The following FANCC variants were observed in gnomAD, a reference collection of about 807,000 sequenced individuals.
FANCC encodes FA complementation group C.
In FANCC, 55 loss-of-function variants were observed where a neutral mutation model predicts 71.3. The ratio of observed to expected loss-of-function variants is 0.77; its 90% CI spans 0.62 to 0.97. FANCC has a LOEUF of 0.97. FANCC is among the 50% of genes least tolerant of loss of function. The pLI is 0.00. For missense variants in FANCC, 678 were observed against 670.9 expected (o/e 1.01, Z -0.12); for synonymous variants, 275 against 244.9 (o/e 1.12, Z -1.15).
intron 4 of FANCC, among the ~76,000 whole-genome samples, chr9:95,227,769 CCTT>C (rs1272900718): frequency 1.3e-5 from 2 of 152,222 alleles, no homozygotes; most frequent in African/African-American, 4.8e-5. Context: ...CCCAGCTAAA[CCTT>C]CTTGAGTACC....
chr9:95,107,580 G>T (rs2071552087), intron 13 of FANCC: 1 of 473,394 alleles, frequency 2.1e-6, no homozygotes, highest in Non-Finnish European at 3.9e-6. Context: ...TTATATTGTG[G>T]GAAAAAGAAC....
At chr9:95,290,278 G>C (rs1833927679) in intron 1 of FANCC, among the ~76,000 whole-genome samples, 1 of 152,108 alleles carries the variant, frequency 6.6e-6, no homozygotes, top group Non-Finnish European at 1.5e-5. Flanking sequence ...TTCTGTCTGG[G>C]ATCATATATG....
At chr9:95,119,780 C>T (rs1427693282) in intron 10 of FANCC, among the ~76,000 whole-genome samples, 1 of 152,090 alleles carries the variant, frequency 6.6e-6, no homozygotes, top group Non-Finnish European at 1.5e-5. Context: ...GGCATGATCA[C>T]AGCTCACTGA....
intron 4 of FANCC, among the ~76,000 whole-genome samples, chr9:95,208,412 A>C (rs573974645): frequency 2.6e-5 from 4 of 152,046 alleles, no homozygotes; most frequent in Non-Finnish European, 5.9e-5. Flanking sequence ...AAACCTTTTA[A>C]CAGAAAAGTC....
chr9:95,258,449 T>C (rs547639683), intron 1 of FANCC, among the ~76,000 whole-genome samples: 299 of 152,296 alleles, frequency 2.0e-3, no homozygotes, highest in Non-Finnish European at 3.2e-3. Flanking sequence ...CACATGATTA[T>C]CTCAATAGAT....
chr9:95,276,230 T>C (rs1833032961), intron 1 of FANCC, among the ~76,000 whole-genome samples: 3 of 152,120 alleles, frequency 2.0e-5, no homozygotes, highest in Admixed American at 1.3e-4. Flanking sequence ...CAGTTTCATA[T>C]GGGAGATTGC....
At chr9:95,275,932 A>C (rs1313822876) in intron 1 of FANCC, among the ~76,000 whole-genome samples, 1 of 152,130 alleles carries the variant, frequency 6.6e-6, no homozygotes, top group Non-Finnish European at 1.5e-5. Context: ...CAGAGAGAGA[A>C]GGCAAGAGTG....
chr9:95,317,146 GA>G (rs1835800720), intron 1 of FANCC: 1 of 152,442 alleles, frequency 6.6e-6, no homozygotes, highest in Non-Finnish European at 1.5e-5. Context: ...CCTCTCCTTT[GA>G]AGAAGACATA....
intron 4 of FANCC, among the ~76,000 whole-genome samples, chr9:95,192,182 T>C (rs556667369): frequency 1.3e-5 from 2 of 152,328 alleles, no homozygotes; most frequent in South Asian, 2.1e-4. Context: ...GCTGGACAAC[T>C]ACATCTGCTG....
intron 1 of FANCC, chr9:95,292,790 A>G (rs958842980): frequency 5.9e-5 from 92 of 1,546,376 alleles, no homozygotes; most frequent in Non-Finnish European, 7.4e-5. Flanking sequence ...TTTCTCTCGT[A>G]AAACAGCACT....
intron 1 of FANCC, among the ~76,000 whole-genome samples, chr9:95,270,844 CAG>C (rs1832673850): frequency 6.6e-6 from 1 of 152,176 alleles, no homozygotes; most frequent in Non-Finnish European, 1.5e-5. Flanking sequence ...AATACACTAA[CAG>C]GGGTCTAGCA....
intron 4 of FANCC, among the ~76,000 whole-genome samples, chr9:95,183,835 G>C (rs1213933264): frequency 6.6e-6 from 1 of 152,202 alleles, no homozygotes; most frequent in African/African-American, 2.4e-5. Context: ...TATTTAAATA[G>C]AAGTTATAAT....
chr9:95,218,764 T>C (rs1829040201), intron 4 of FANCC, among the ~76,000 whole-genome samples: 1 of 152,198 alleles, frequency 6.6e-6, no homozygotes, highest in Admixed American at 6.5e-5. Flanking sequence ...CAGCATTTGA[T>C]AGGGTGATGT....
intron 3 of FANCC, 87 bp downstream of exon 3, chr9:95,247,345 T>G: frequency 1.1e-6 from 1 of 935,208 alleles, no homozygotes; most frequent in Non-Finnish European, 1.7e-6. Flanking sequence ...AAAAAAAAAC[T>G]AGGAGAAAGG....
At chr9:95,218,112 A>T (rs1204554954) in intron 4 of FANCC, among the ~76,000 whole-genome samples, 2 of 152,216 alleles carry the variant, frequency 1.3e-5, no homozygotes, top group African/African-American at 4.8e-5. Context: ...ACTTCCCCCA[A>T]AGAAAATCTG....
intron 5 of FANCC, 132 bp downstream of exon 5, chr9:95,171,905 C>G (rs1334876075): frequency 1.5e-6 from 1 of 679,692 alleles, no homozygotes; most frequent in African/African-American, 1.8e-5. Context: ...TAAGTCTGCC[C>G]AAGGTAAGAA....
chr9:95,171,188 G>C (rs2135580804), intron 5 of FANCC, 45 bp from the exon 6 acceptor site: 1 of 1,399,302 alleles, frequency 7.1e-7, no homozygotes, highest in Middle Eastern at 1.8e-4. Context: ...CTGCAAACAG[G>C]ATTACATCAG....
At chr9:95,257,708 C>CA (rs1427147571) in intron 1 of FANCC, among the ~76,000 whole-genome samples, 1 of 151,904 alleles carries the variant, frequency 6.6e-6, no homozygotes, top group Non-Finnish European at 1.5e-5. Context: ...GACAGAGACA[C>CA]AAAAAACCCT....
At chr9:95,102,442 C>T (rs978112331) in intron 14 of FANCC, among the ~76,000 whole-genome samples, 5 of 152,030 alleles carry the variant, frequency 3.3e-5, no homozygotes, top group East Asian at 3.9e-4. Flanking sequence ...CTAAAAACTT[C>T]GGTTAAGAAA....
Sources: allele counts gnomAD v4.1 joint callset (sites outside exome capture counted in the v4.1 genomes callset), GRCh38; gene constraint gnomAD v4.1.1; transcripts MANE v1.5; gene names NCBI Gene and HGNC (gene_info 2026-07-23, HGNC 2026-07-21).